ADGRL3: variants seen among roughly 807,000 people sequenced by gnomAD.
ADGRL3 encodes the protein adhesion G protein-coupled receptor L3.
A neutral mutation model predicts 153.5 loss-of-function variants in ADGRL3; 62 were observed. The ratio of observed to expected loss-of-function variants is 0.40; its 90% confidence interval spans 0.33 to 0.50. The LOEUF (loss-of-function observed/expected upper bound fraction) is 0.50. ADGRL3 is among the 20% of genes least tolerant of loss of function. ADGRL3 has a pLI of 0.47. For missense variants in ADGRL3, 1,641 were observed against 1,859.4 expected, an observed-to-expected ratio of 0.88 and a Z score of 2.16; for synonymous variants, 710 against 672.5, an observed-to-expected ratio of 1.06 and a Z score of -0.86.
chr4:61,385,169 G>C (rs2096721441), intron 2 of ADGRL3, among the ~76,000 whole-genome samples: 1 of 152,046 alleles, frequency 6.6e-6, no homozygotes, highest in Non-Finnish European at 1.5e-5. Flanking sequence ...ACCTGTGGCA[G>C]TCATTAAATT....
chr4:61,492,155 A>T (rs2098265847), intron 2 of ADGRL3, among the ~76,000 whole-genome samples: 1 of 152,180 alleles, frequency 6.6e-6, no homozygotes, highest in Non-Finnish European at 1.5e-5. Context: ...TATATTTCGT[A>T]TGTGCCAAAC....
At chr4:61,892,118 T>C (rs182842614) in intron 9 of ADGRL3, among the ~76,000 whole-genome samples, 9 of 151,954 alleles carry the variant, frequency 5.9e-5, no homozygotes, top group African/African-American at 1.9e-4. Context: ...AGTTTGTGTT[T>C]AAGGAGACTA....
At chr4:61,427,079 T>G (rs973409016) in intron 2 of ADGRL3, 2 of 151,982 alleles carry the variant, frequency 1.3e-5, no homozygotes, top group African/African-American at 2.4e-5. Context: ...CAGTGCCCCA[T>G]GTACAGAGTA....
chr4:61,673,179 G>A (rs1182807007), intron 5 of ADGRL3, among the ~76,000 whole-genome samples: 1 of 151,852 alleles, frequency 6.6e-6, no homozygotes, highest in Non-Finnish European at 1.5e-5. Flanking sequence ...CAGAAGCTAT[G>A]GAGATAGGAG....
intron 1 of ADGRL3, among the ~76,000 whole-genome samples, chr4:61,278,886 G>A (rs913854593): frequency 1.3e-5 from 2 of 152,124 alleles, no homozygotes; most frequent in African/African-American, 2.4e-5. Context: ...GGAACAGATA[G>A]GAGCAAGTAC....
rs140908523 is a variant in ADGRL3, at chr4:61,817,438, T to C, written c.1480+3549T>C. On this transcript the variant is annotated intron_variant, in intron 9 of 26. Coordinates refer to ENST00000683033, the MANE Select transcript of ADGRL3 (RefSeq NM_001387552.1). ...CCCATAAAAACCCCAGACTCAGCCA[T>C]ACTTGGACAGACGTTGGGATGACCT... 3.6e-3 allele frequency among the ~76,000 whole-genome samples: 553 copies of C among 152,226 alleles called. 1 individual carries two copies. The highest frequency in any genetic ancestry group is 5.7e-3 in the Admixed American group (87 of 15,290).
At chr4:61,777,386 A>G (rs1414706306) in intron 8 of ADGRL3, among the ~76,000 whole-genome samples, 1 of 152,142 alleles carries the variant, frequency 6.6e-6, no homozygotes, top group African/African-American at 2.4e-5. Flanking sequence ...TACTCACTAT[A>G]TACCTTTTTA....
intron 2 of ADGRL3, among the ~76,000 whole-genome samples, chr4:61,483,313 T>G (rs1398309580): frequency 1.3e-5 from 2 of 152,230 alleles, no homozygotes; most frequent in Non-Finnish European, 2.9e-5. Flanking sequence ...GCTTGACATA[T>G]TTAATTTGTG....
rs991321176 is a variant in ADGRL3 at position 61,660,443 on chromosome 4, T to A, written c.474-16383T>A. Among the ~76,000 whole-genome samples, 3 of 152,140 alleles carry A rather than the reference T, an allele frequency of 2.0e-5. 1 individual carries two copies. The highest frequency in any genetic ancestry group is 7.2e-5 in the African/African-American group (3 of 41,444). ...CATACTTTCTCTGGCTATACCCACA[T>A]GTATTCCTTTTTTAAATCTATTTTA... On this transcript the variant is annotated intron_variant, in intron 5 of 26. Coordinates refer to ENST00000683033, the MANE Select transcript of ADGRL3 (RefSeq NM_001387552.1).
intron 5 of ADGRL3, among the ~76,000 whole-genome samples, chr4:61,627,566 C>T (rs570495451): frequency 1.9e-4 from 29 of 152,004 alleles, no homozygotes; most frequent in South Asian, 8.3e-4. Context: ...GGTTGCAGTG[C>T]GCTGTGATCA....
intron 6 of ADGRL3, among the ~76,000 whole-genome samples, chr4:61,679,494 T>C (rs2095287327): frequency 6.6e-6 from 1 of 152,222 alleles, no homozygotes; most frequent in African/African-American, 2.4e-5. Flanking sequence ...ATAACAACAC[T>C]CAGCTATTTT....
At chr4:61,670,105 C>T (rs1275079380) in intron 5 of ADGRL3, among the ~76,000 whole-genome samples, 1 of 152,034 alleles carries the variant, frequency 6.6e-6, no homozygotes, top group Non-Finnish European at 1.5e-5. Flanking sequence ...ACCATCCTGG[C>T]CAACATGGTG....
At chr4:61,521,411 G>A (rs113092492) in intron 4 of ADGRL3, among the ~76,000 whole-genome samples, 2 of 152,094 alleles carry the variant, frequency 1.3e-5, no homozygotes, top group East Asian at 3.9e-4. Context: ...AGAACACAAT[G>A]GTATAACACT....
chr4:61,791,587 G>A (rs1276135164), intron 8 of ADGRL3, among the ~76,000 whole-genome samples: 2 of 152,186 alleles, frequency 1.3e-5, no homozygotes, highest in African/African-American at 4.8e-5. Context: ...AGATCTGGAG[G>A]ACAGAGGCCC....
chr4:61,971,571 G>T (rs1289796349), intron 17 of ADGRL3, among the ~76,000 whole-genome samples: 1 of 151,968 alleles, frequency 6.6e-6, no homozygotes, highest in Admixed American at 6.6e-5. Flanking sequence ...TGGACATTTG[G>T]GTTGGTTCCA....
intron 1 of ADGRL3, chr4:61,212,151 A>G (rs572175902): frequency 6.6e-6 from 1 of 152,346 alleles, no homozygotes; most frequent in African/African-American, 2.4e-5. Context: ...TGCACAGAAG[A>G]AAAAGTTATG....
At chr4:61,260,467 T>G (rs114026825) in intron 1 of ADGRL3, among the ~76,000 whole-genome samples, 2,890 of 152,314 alleles carry the variant, frequency 0.019, 42 homozygotes, top group Middle Eastern at 0.031. Context: ...GGCTTTGGTG[T>G]TAGACAATGC....
chr4:61,607,319 C>G (rs2099036138), intron 5 of ADGRL3, among the ~76,000 whole-genome samples: 1 of 152,092 alleles, frequency 6.6e-6, no homozygotes, highest in South Asian at 2.1e-4. Flanking sequence ...ACCAATCTGG[C>G]CAGGCGCAGT....
intron 1 of ADGRL3, among the ~76,000 whole-genome samples, chr4:61,319,309 C>T (rs1045481182): frequency 1.3e-5 from 2 of 152,154 alleles, no homozygotes; most frequent in African/African-American, 4.8e-5. Context: ...AAATAAATCA[C>T]TAAGTAATTT....
Sources: gnomAD v4.1 joint callset for allele counts (sites outside exome capture counted in the v4.1 genomes callset) on GRCh38, gnomAD v4.1.1 for gene constraint, MANE v1.5 for transcripts, NCBI Gene and HGNC (gene_info 2026-07-23, HGNC 2026-07-21) for gene names.